Variants in LIMS1 observed in about 807,000 individuals in gnomAD.
LIMS1 encodes the protein LIM zinc finger domain containing 1.
A neutral mutation model predicts 44.1 loss-of-function variants in LIMS1; 18 were observed. The ratio of observed to expected loss-of-function variants is 0.41; its 90% CI spans 0.28 to 0.61. The LOEUF (loss-of-function observed/expected upper bound fraction) is 0.61. Ranked by LOEUF, LIMS1 falls within the 20% of genes least tolerant of loss-of-function variation. LIMS1 has a pLI of 0.32. For synonymous variants in LIMS1, 93 were observed against 149.1 expected, an observed-to-expected ratio of 0.62 and a Z score of 2.74; for missense variants, 201 against 422.0, an observed-to-expected ratio of 0.48 and a Z score of 4.59.
At chr2:108,640,817 T>C (rs563899114) in intron 1 of LIMS1, among the ~76,000 whole-genome samples, 1 of 152,322 alleles carries the variant, frequency 6.6e-6, no homozygotes, top group South Asian at 2.1e-4. Context: ...TTCTAGCTTT[T>C]TGAACATGCG....
chr2:108,556,628 C>T (rs1684932095), intron 1 of LIMS1, among the ~76,000 whole-genome samples: 1 of 152,222 alleles, frequency 6.6e-6, no homozygotes, highest in African/African-American at 2.4e-5. Flanking sequence ...TTCCTTCCCT[C>T]CCTTCCTTTG....
At chr2:108,534,490 AG>A in exon 1 of LIMS1, 1 of 1,103,678 alleles carries the variant, frequency 9.1e-7, no homozygotes, top group Non-Finnish European at 1.1e-6. Flanking sequence ...CGCGGCGGCG[AG>A]GGACTAGGAC....
chr2:108,636,946 C>T (rs974086323), intron 1 of LIMS1, among the ~76,000 whole-genome samples: 2 of 152,146 alleles, frequency 1.3e-5, no homozygotes, highest in African/African-American at 4.8e-5. Context: ...ACCTCCTGAC[C>T]TTATACTATT....
At chr2:108,657,124 GCA>G (rs1489555797) in intron 1 of LIMS1, among the ~76,000 whole-genome samples, 2 of 139,908 alleles carry the variant, frequency 1.4e-5, no homozygotes, top group African/African-American at 2.7e-5. Flanking sequence ...ATTTGTTTCT[GCA>G]TTCAACCTAT....
chr2:108,601,696 T>C (rs1305589491), intron 1 of LIMS1, among the ~76,000 whole-genome samples: 1 of 152,218 alleles, frequency 6.6e-6, no homozygotes, highest in African/African-American at 2.4e-5. Context: ...TTTGTATTTT[T>C]GGTAGAGACA....
intron 1 of LIMS1, among the ~76,000 whole-genome samples, chr2:108,566,662 T>G (rs999322409): frequency 1.3e-5 from 2 of 152,096 alleles, no homozygotes; most frequent in African/African-American, 4.8e-5. Context: ...AGTGGCATGA[T>G]CTCAGCTTAC....
At position 108,618,554 on chromosome 2, in the gene LIMS1, C is replaced by T. The variant is rs547998688; in HGVS notation, c.33-41051C>T. 5.3e-5 allele frequency among the ~76,000 whole-genome samples: 8 copies of T among 152,164 alleles called. No individual in the cohort carries two copies. In the East Asian group the frequency reaches 1.4e-3, roughly 26 times the overall value. On this transcript the variant is annotated intron_variant, in intron 1 of 9. Transcript: ENST00000544547. ...GAAAAGATCCTGGTTAGGCGGGGCA[C>T]GGTGGCTCACGCCTGTAATCCCAGC...
intron 1 of LIMS1, among the ~76,000 whole-genome samples, chr2:108,606,638 A>G (rs1687281890): frequency 1.3e-5 from 2 of 152,252 alleles, no homozygotes; most frequent in African/African-American, 2.4e-5. Context: ...GAGGAAGAGC[A>G]ACCAACGTAT....
intron 1 of LIMS1, among the ~76,000 whole-genome samples, chr2:108,642,953 T>C (rs1573532934): frequency 6.6e-6 from 1 of 152,306 alleles, no homozygotes; most frequent in East Asian, 1.9e-4. Flanking sequence ...TTAACCAAGC[T>C]ATTGGACTCA....
At position 108,630,681 on chromosome 2, in the gene LIMS1, T is replaced by C. The variant is rs1345176747; in HGVS notation, c.33-28924T>C. Reference sequence around the variant, plus strand: ...TGTCCCATCCAAACATCTATCCCAGTAGTCAGGAATATAACAAAGCCCCTG... The same window carrying C: ...TGTCCCATCCAAACATCTATCCCAGCAGTCAGGAATATAACAAAGCCCCTG... On this transcript the variant is annotated intron_variant, in intron 1 of 9. Transcript: ENST00000544547. Among the ~76,000 whole-genome samples, 3 of 152,200 alleles carry C rather than the reference T, an allele frequency of 2.0e-5. No individual in the cohort carries two copies. The East Asian group carries it at 5.8e-4, about 29-fold the overall frequency.
intron 1 of LIMS1, among the ~76,000 whole-genome samples, chr2:108,637,094 CAT>C (rs753091590): frequency 0.057 from 5,238 of 92,164 alleles, 163 homozygotes; most frequent in East Asian, 0.33. Context: ...GCAAAATATA[CAT>C]ATATGTGTGT....
At position 108,551,606 on chromosome 2, in the gene LIMS1, A is replaced by ATGTATATATATGTATATATG. The variant is rs774017232; in HGVS notation, c.32+17051_32+17070dup. 4.2e-3 allele frequency among the ~76,000 whole-genome samples: 590 copies of ATGTATATATATGTATATATG among 138,998 alleles called. 6 individuals are homozygous for ATGTATATATATGTATATATG. The highest frequency in any genetic ancestry group is 0.011 in the African/African-American group (379 of 34,580). 91.2% of individuals were successfully genotyped at this position (138,998 alleles called of 152,430 possible). A position where few individuals can be genotyped will look rare whatever the true frequency, so the allele number is the denominator to read the frequency against. Reference sequence around the variant, plus strand: ...TCCAAGGCATGGTTCCTATATATATATGTATATATATGTATATATGTGTAT... The same window carrying ATGTATATATATGTATATATG: ...TCCAAGGCATGGTTCCTATATATATATGTATATATATGTATATATGTGTATATATATGTATATATGTGTAT... On this transcript the variant is annotated intron_variant, in intron 1 of 9. Transcript: ENST00000544547.
At chr2:108,556,397 T>C (rs546613688) in intron 1 of LIMS1, among the ~76,000 whole-genome samples, 2 of 152,228 alleles carry the variant, frequency 1.3e-5, no homozygotes, top group East Asian at 1.9e-4. Context: ...ATGTCACTTA[T>C]GAACACTTGA....
chr2:108,557,520 C>CT (rs564272309), intron 1 of LIMS1, among the ~76,000 whole-genome samples: 9,752 of 146,926 alleles, frequency 0.066, 360 homozygotes, highest in South Asian at 0.16. Context: ...ATAGTAGGAA[C>CT]TTTTTTTTTT....
At chr2:108,577,806 T>C (rs7573693) in intron 1 of LIMS1, among the ~76,000 whole-genome samples, 3,220 of 152,332 alleles carry the variant, frequency 0.021, 48 homozygotes, top group Non-Finnish European at 0.025. Flanking sequence ...AGTTAAAAAA[T>C]GAAAATCTAT....
At chr2:108,653,616 C>G (rs550778073) in intron 1 of LIMS1, among the ~76,000 whole-genome samples, 73 of 152,144 alleles carry the variant, frequency 4.8e-4, no homozygotes, top group Non-Finnish European at 8.5e-4. Context: ...TGATTGTCAT[C>G]ATTGCTGTAA....
intron 1 of LIMS1, among the ~76,000 whole-genome samples, chr2:108,654,309 C>T (rs1241011066): frequency 6.6e-6 from 1 of 151,812 alleles, no homozygotes; most frequent in Non-Finnish European, 1.5e-5. Flanking sequence ...TGAGAAACAT[C>T]GGCTCACCTA....
chr2:108,646,869 C>T (rs1690100899), intron 1 of LIMS1, among the ~76,000 whole-genome samples: 2 of 152,114 alleles, frequency 1.3e-5, no homozygotes, highest in African/African-American at 4.8e-5. Context: ...CTACAGGCGC[C>T]TGCCAACACA....
At chr2:108,535,834 A>T (rs1365444056) in intron 1 of LIMS1, among the ~76,000 whole-genome samples, 1 of 152,094 alleles carries the variant, frequency 6.6e-6, no homozygotes, top group Non-Finnish European at 1.5e-5. Flanking sequence ...GGTTTAAATA[A>T]CCCTAGTTTG....
Sources: gnomAD v4.1 joint callset for allele counts (sites outside exome capture counted in the v4.1 genomes callset) on GRCh38, gnomAD v4.1.1 for gene constraint, MANE v1.5 for transcripts, NCBI Gene and HGNC (gene_info 2026-07-23, HGNC 2026-07-21) for gene names.